DST: variants seen among roughly 807,000 people sequenced by gnomAD.
DST encodes bullous pemphigoid antigen.
A neutral mutation model predicts 875.2 loss-of-function variants in DST; 253 were observed. The observed-to-expected ratio is 0.29, with a 90% CI of 0.26 to 0.32. The LOEUF is 0.32. DST is among the 10% of genes least tolerant of loss of function. The probability of loss-of-function intolerance (pLI) is 1.00; values close to 1 mark genes in which losing one functional copy is unlikely to be tolerated. For synonymous variants in DST, 3,124 were observed against 3,197.1 expected, an observed-to-expected ratio of 0.98 and a Z score of 0.77; for missense variants, 8,287 against 9,111.6, an observed-to-expected ratio of 0.91 and a Z score of 3.68.
intron 9 of DST, among the ~76,000 whole-genome samples, chr6:56,671,707 A>C (rs545013118): frequency 3.9e-5 from 6 of 152,172 alleles, no homozygotes; most frequent in African/African-American, 1.4e-4. Context: ...AACACCACCA[A>C]CAACTGTTCC....
Position 56,829,448 on chromosome 6 carries a change from A to T in DST, c.625+21949T>A, listed in dbSNP as rs573440317. Among the ~76,000 whole-genome samples, 3 of 152,340 alleles carry T rather than the reference A, an allele frequency of 2.0e-5. No homozygotes were observed. The East Asian group carries it at 5.8e-4, about 29-fold the overall frequency. Reference sequence around the variant, plus strand: ...ATTGAATACCATTAATAAATAATACAGTCTTGAAGCCTAGCACAAGTAATG... The same window carrying T: ...ATTGAATACCATTAATAAATAATACTGTCTTGAAGCCTAGCACAAGTAATG... On this transcript the variant is annotated intron_variant, in intron 4 of 103. Transcript: ENST00000680361.
At chr6:56,735,386 GAT>G in intron 4 of DST, 97 bp from the exon 5 acceptor site, 1 of 782,834 alleles carries the variant, frequency 1.3e-6, no homozygotes. Flanking sequence ...ATATTTAAAA[GAT>G]ATGCTTCAGT....
chr6:56,669,980 A>AGATAT (rs1449145980), intron 10 of DST, among the ~76,000 whole-genome samples: 1 of 152,212 alleles, frequency 6.6e-6, no homozygotes, highest in Non-Finnish European at 1.5e-5. Context: ...TTAGACTAGG[A>AGATAT]GATATGAACT....
At chr6:56,516,978 C>A (rs1409550374) in intron 71 of DST, among the ~76,000 whole-genome samples, 1 of 152,244 alleles carries the variant, frequency 6.6e-6, no homozygotes, top group East Asian at 1.9e-4. Flanking sequence ...CCTTAATAGC[C>A]TTTGTGCCTA....
At chr6:56,642,962 T>G in intron 15 of DST, 2 of 1,401,720 alleles carry the variant, frequency 1.4e-6, no homozygotes, top group Non-Finnish European at 1.9e-6. Context: ...AATAATATGC[T>G]GATAACTATT....
rs118087099 is a variant in DST, at chr6:56,537,301, C to T, written c.16609-361G>A. On this transcript the variant is annotated intron_variant, in intron 61 of 103. Transcript: ENST00000680361. Reference sequence around the variant, plus strand: ...TGTAGCAAAAGATTTACAGAAAATGCTAAAGAGCAAAAATATAAAATAAGT... The same window carrying T: ...TGTAGCAAAAGATTTACAGAAAATGTTAAAGAGCAAAAATATAAAATAAGT... Among the ~76,000 whole-genome samples the T allele has an allele frequency of 9.9e-4, 151 of 152,204 alleles. 2 individuals are homozygous for T. In the East Asian group the frequency reaches 0.026, roughly 26 times the overall value.
rs527672403 is a variant in DST at position 56,941,419 on chromosome 6, T to C, written c.216+12366A>G. ...TCCTTTAAATTAATTGTGACTTGTA[T>C]TCTGACCCAGAATATAGTCTGTCTT... On this transcript the variant is annotated intron_variant, in intron 2 of 103. Coordinates refer to ENST00000680361, the MANE Select transcript of DST (RefSeq NM_001374736.1). Among the ~76,000 whole-genome samples, 3 of 152,328 alleles carry C rather than the reference T, an allele frequency of 2.0e-5. No individual in the cohort carries two copies. In the East Asian group the frequency reaches 5.8e-4, roughly 29 times the overall value.
At chr6:56,485,619 G>T in intron 87 of DST, 148 bp from the exon 88 acceptor site, 1 of 801,746 alleles carries the variant, frequency 1.2e-6, no homozygotes. Flanking sequence ...GCTCTTCTTA[G>T]GAAAAAGACA....
chr6:56,604,608 C>T lies in DST; in HGVS notation c.10020G>A (p.Lys3340=). Residue 3340 remains lysine (K), a synonymous_variant, in exon 40 of 104, where the codon AAG becomes AAA. Coordinates refer to ENST00000680361, the MANE Select transcript of DST (RefSeq NM_001374736.1). ...EQALSPRSQE[K]EVQIPELSQV... Reference sequence around the variant, plus strand: ...GAGACAATTCAGGAATCTGAACCTCCTTTTCTTGGGATCTTGGAGACAAGG... The same window carrying T: ...GAGACAATTCAGGAATCTGAACCTCTTTTTCTTGGGATCTTGGAGACAAGG... 6.2e-7 allele frequency: 1 copy of T among 1,612,076 alleles called. No homozygotes were observed.
chr6:56,655,212 C>A (rs1275206395), intron 10 of DST, among the ~76,000 whole-genome samples: 1 of 150,462 alleles, frequency 6.6e-6, no homozygotes, highest in Non-Finnish European at 1.5e-5. Flanking sequence ...CTGAAGGCTT[C>A]CACAATATAT....
chr6:56,477,537 C>G, intron 90 of DST, 49 bp from the exon 91 acceptor site: 1 of 1,608,744 alleles, frequency 6.2e-7, no homozygotes. Context: ...TGGCTGAAAA[C>G]AAAACTCTGG....
intron 98 of DST, chr6:56,467,353 G>T (rs1218716204): frequency 6.6e-6 from 1 of 152,046 alleles, no homozygotes; most frequent in Non-Finnish European, 1.5e-5. Context: ...AAATCCCTCA[G>T]GATCCTAAAA....
chr6:56,638,157 T>C (rs1222687630), intron 22 of DST, among the ~76,000 whole-genome samples: 1 of 152,146 alleles, frequency 6.6e-6, no homozygotes, highest in Non-Finnish European at 1.5e-5. Context: ...GACATTCACA[T>C]GTTCCATTCC....
rs768205773 is a variant in DST at position 56,617,304 on chromosome 6, C to T, written c.4930-2820G>A. 11 of 1,613,552 alleles carry T rather than the reference C, an allele frequency of 6.8e-6. No homozygotes were observed. Among genetic ancestry groups the T allele is most frequent in the Non-Finnish European group, 9.3e-6 (11 of 1,179,918 alleles). On this transcript the variant is annotated intron_variant, in intron 36 of 103. Coordinates refer to ENST00000680361, the MANE Select transcript of DST (RefSeq NM_001374736.1). The stretch of plus-strand genomic sequence containing the variant: ...TTAAGGAAATCCCCTTTCTTGAGTC[C>T]ACCAGATGCTCTGCACCCTTCAAGC...
intron 9 of DST, among the ~76,000 whole-genome samples, chr6:56,671,890 G>T (rs2099103671): frequency 6.6e-6 from 1 of 152,144 alleles, no homozygotes; most frequent in African/African-American, 2.4e-5. Context: ...CTGGTTCCTA[G>T]TCTCATAGGT....
At chr6:56,575,149 G>A (rs1289312307) in intron 50 of DST, among the ~76,000 whole-genome samples, 1 of 152,118 alleles carries the variant, frequency 6.6e-6, no homozygotes, top group East Asian at 1.9e-4. Context: ...CATCGGCAGA[G>A]GAAACAAGCA....
intron 61 of DST, 71 bp from the exon 62 acceptor site, chr6:56,537,011 C>A (rs2097017004): frequency 2.2e-6 from 3 of 1,381,806 alleles, no homozygotes; most frequent in Non-Finnish European, 3.0e-6. Flanking sequence ...ATAAGCATTT[C>A]TTTAGGCATC....
At chr6:56,645,124 C>T (rs1403956318) in intron 15 of DST, among the ~76,000 whole-genome samples, 1 of 152,184 alleles carries the variant, frequency 6.6e-6, no homozygotes, top group East Asian at 1.9e-4. Flanking sequence ...ATAAATTACC[C>T]AGTCTCAGAT....
chr6:56,567,926 G>A (rs1428554379), intron 55 of DST, among the ~76,000 whole-genome samples: 3 of 152,122 alleles, frequency 2.0e-5, no homozygotes, highest in African/African-American at 4.8e-5. Flanking sequence ...TGAGAAAGGT[G>A]GCTCAACCAT....
Sources: gnomAD v4.1 joint callset for allele counts (sites outside exome capture counted in the v4.1 genomes callset) on GRCh38, gnomAD v4.1.1 for gene constraint, MANE v1.5 for transcripts, NCBI Gene and HGNC (gene_info 2026-07-23, HGNC 2026-07-21) for gene names.